The following DNAAF10 variants were observed in gnomAD, a reference collection of about 807,000 sequenced individuals.
DNAAF10 encodes the protein dynein axonemal assembly factor 10.
Under a neutral mutation model 43.7 loss-of-function variants are expected in DNAAF10, and 28 were observed. The observed-to-expected ratio is 0.64, with a 90% CI of 0.48 to 0.88. The LOEUF is 0.88. Among genes scored for constraint, DNAAF10 ranks in the 40% least tolerant of loss-of-function variants. The probability of loss-of-function intolerance (pLI) is 0.00; values close to 1 mark genes in which losing one functional copy is unlikely to be tolerated. For synonymous variants in DNAAF10, 156 were observed against 157.3 expected (o/e 0.99, Z 0.06); for missense variants, 403 against 439.1 (o/e 0.92, Z 0.73).
intron 7 of DNAAF10, chr2:68,131,754 A>C (rs1001936573): frequency 1.2e-5 from 3 of 248,796 alleles, no homozygotes; most frequent in African/African-American, 2.2e-5. Flanking sequence ...TCTTTAATAC[A>C]TTTACTTGGT....
intron 1 of DNAAF10, among the ~76,000 whole-genome samples, chr2:68,155,284 G>A (rs1439062087): frequency 6.6e-6 from 1 of 152,128 alleles, no homozygotes; most frequent in Admixed American, 6.5e-5. Flanking sequence ...CTAAGGTCAG[G>A]AGTTTGAGAC....
chr2:68,135,154 C>T lies in DNAAF10; in HGVS notation c.769-355G>A, dbSNP rs543241138. Reference sequence around the variant, plus strand: ...GGGGAAAACACTCAAAATATAAAAACATATACTTTTGTTTATATATACGAA... The same window carrying T: ...GGGGAAAACACTCAAAATATAAAAATATATACTTTTGTTTATATATACGAA... On this transcript the variant is annotated intron_variant, in intron 6 of 7. Coordinates refer to ENST00000295121, the MANE Select transcript of DNAAF10 (RefSeq NM_138458.4). Among the ~76,000 whole-genome samples, 145 of 152,160 alleles carry T rather than the reference C, an allele frequency of 9.5e-4. 1 individual carries two copies. Among genetic ancestry groups the T allele is most frequent in the African/African-American group, 3.3e-3 (136 of 41,536 alleles).
chr2:68,147,398 GAA>G, intron 2 of DNAAF10, 67 bp downstream of exon 2: 1 of 1,156,958 alleles, frequency 8.6e-7, no homozygotes, highest in Non-Finnish European at 1.3e-6. Context: ...CTCTTTCAGA[GAA>G]AGAGTAATGA....
Position 68,130,981 on chromosome 2 carries a change from T to A in DNAAF10, c.*257A>T. The A allele has an allele frequency of 3.7e-6, 1 of 273,854 alleles. No homozygotes were observed. Among genetic ancestry groups the A allele is most frequent in the Non-Finnish European group, 7.0e-6 (1 of 142,242 alleles). 17.0% of individuals were successfully genotyped at this position (273,854 alleles called of 1,614,324 possible). A position where few individuals can be genotyped will look rare whatever the true frequency, so the allele number is the denominator to read the frequency against. ...CCCAGGCTGGAGTGCAGTGGCACAATCTCGGCTCACTGCAACCTCCGCCTC... is the reference window on the plus strand; with the variant it reads ...CCCAGGCTGGAGTGCAGTGGCACAAACTCGGCTCACTGCAACCTCCGCCTC... On this transcript the variant is annotated 3_prime_UTR_variant, in exon 8 of 8. Coordinates refer to ENST00000295121, the MANE Select transcript of DNAAF10 (RefSeq NM_138458.4).
chr2:68,136,220 GAAAA>G (rs1164483365), intron 6 of DNAAF10, among the ~76,000 whole-genome samples: 7 of 52,642 alleles, frequency 1.3e-4, no homozygotes, highest in South Asian at 7.1e-4. Context: ...TCTGTCTCCA[GAAAA>G]AAAAAAAAAA....
At chr2:68,137,563 CT>C in intron 5 of DNAAF10, 130 bp from the exon 6 acceptor site, 1 of 1,023,122 alleles carries the variant, frequency 9.8e-7, no homozygotes, top group South Asian at 2.4e-5. Flanking sequence ...TATCTTTTAA[CT>C]TTTCCCATAA....
intron 1 of DNAAF10, among the ~76,000 whole-genome samples, chr2:68,148,293 A>G (rs941237901): frequency 6.6e-6 from 1 of 152,218 alleles, no homozygotes; most frequent in Non-Finnish European, 1.5e-5. Context: ...AGGGCTGTAC[A>G]GATTTGCCGA....
At chr2:68,137,175 G>A (rs776018466) in intron 6 of DNAAF10, 124 bp downstream of exon 6, 226 of 1,127,628 alleles carry the variant, frequency 2.0e-4, no homozygotes, top group Non-Finnish European at 2.6e-4. Flanking sequence ...GATCTCACAG[G>A]AATATATCAA....
chr2:68,143,605 C>T (rs1211724219), intron 3 of DNAAF10, among the ~76,000 whole-genome samples: 3 of 151,962 alleles, frequency 2.0e-5, no homozygotes, highest in Non-Finnish European at 4.4e-5. Flanking sequence ...AAACCAAAGG[C>T]TTATAAGGGA....
chr2:68,148,451 T>C (rs1225447479), intron 1 of DNAAF10, among the ~76,000 whole-genome samples: 1 of 152,232 alleles, frequency 6.6e-6, no homozygotes, highest in African/African-American at 2.4e-5. Context: ...CTCCAAAATA[T>C]ACATATTCGT....
At chr2:68,131,646 G>A in intron 7 of DNAAF10, 1 of 558,180 alleles carries the variant, frequency 1.8e-6, no homozygotes, top group Non-Finnish European at 3.1e-6. Flanking sequence ...TCATAAAAAA[G>A]GGTTATTAGT....
chr2:68,133,617 G>A (rs1346820134), intron 7 of DNAAF10, among the ~76,000 whole-genome samples: 3 of 152,040 alleles, frequency 2.0e-5, no homozygotes, highest in Non-Finnish European at 4.4e-5. Flanking sequence ...GCCAGGCGTC[G>A]TGGCGGGCAC....
chr2:68,156,373 T>C (rs1572931451), intron 1 of DNAAF10, among the ~76,000 whole-genome samples: 3 of 152,332 alleles, frequency 2.0e-5, no homozygotes, highest in Admixed American at 6.5e-5. Context: ...CCTGCACTTG[T>C]AGTCTATTAC....
intron 1 of DNAAF10, chr2:68,157,020 C>G: frequency 1.7e-6 from 1 of 589,446 alleles, no homozygotes; most frequent in South Asian, 2.1e-5. Flanking sequence ...TCCTGGTGCC[C>G]GCTTTGGCTG....
chr2:68,134,525 T>A, intron 7 of DNAAF10, 177 bp downstream of exon 7: 1 of 1,457,614 alleles, frequency 6.9e-7, no homozygotes, highest in Non-Finnish European at 9.0e-7. Context: ...CTCTACTAAG[T>A]GTAAAGTATA....
chr2:68,150,061 T>A (rs890870765), intron 1 of DNAAF10, among the ~76,000 whole-genome samples: 1 of 152,202 alleles, frequency 6.6e-6, no homozygotes, highest in Non-Finnish European at 1.5e-5. Flanking sequence ...CTTCCCAGAA[T>A]TCCACCGCTG....
rs191588193 is a variant in DNAAF10 at position 68,134,267 on chromosome 2, T to C, written c.866+435A>G. 7.4e-5 allele frequency: 74 copies of C among 1,006,230 alleles called. No individual in the cohort carries two copies. The African/African-American group carries it at 1.2e-3, about 17-fold the overall frequency. 62.3% of individuals were successfully genotyped at this position (1,006,230 alleles called of 1,614,324 possible). A position where few individuals can be genotyped will look rare whatever the true frequency, so the allele number is the denominator to read the frequency against. ...CATTGTAACTCACCCTGCCTAGATA[T>C]GCAGAAAGCAAATTCAGTGATAAGA... On this transcript the variant is annotated intron_variant, in intron 7 of 7. Coordinates refer to ENST00000295121, the MANE Select transcript of DNAAF10 (RefSeq NM_138458.4).
chr2:68,157,175 G>A (rs1309935929), intron 1 of DNAAF10, 86 bp downstream of exon 1: 7 of 1,504,446 alleles, frequency 4.7e-6, no homozygotes, highest in Non-Finnish European at 5.3e-6. Flanking sequence ...GGGGACGCTG[G>A]GCGAAGGCTC....
chr2:68,149,743 C>T (rs1195505862), intron 1 of DNAAF10, among the ~76,000 whole-genome samples: 1 of 152,150 alleles, frequency 6.6e-6, no homozygotes, highest in Non-Finnish European at 1.5e-5. Context: ...GAGTTCCAAC[C>T]TATGCCAACT....
Sources: gnomAD v4.1 joint callset for allele counts (sites outside exome capture counted in the v4.1 genomes callset) on GRCh38, gnomAD v4.1.1 for gene constraint, MANE v1.5 for transcripts, NCBI Gene and HGNC (gene_info 2026-07-23, HGNC 2026-07-21) for gene names.